Variants in KDM4C observed in about 807,000 individuals in gnomAD.
The protein encoded by KDM4C is lysine demethylase 4C, also known as lysine-specific demethylase 4C.
A neutral mutation model predicts 129.3 loss-of-function variants in KDM4C; 81 were observed. That is an observed-to-expected ratio of 0.63 (90% confidence interval 0.52 to 0.75). KDM4C has a LOEUF of 0.75. Among genes scored for constraint, KDM4C ranks in the 30% least tolerant of loss-of-function variants. The pLI is 0.00. For missense variants in KDM4C, 1,457 were observed against 1,304.0 expected (o/e 1.12, Z -1.81); for synonymous variants, 573 against 456.1 (o/e 1.26, Z -3.26).
chr9:7,078,761 A>G (rs1367925968), intron 17 of KDM4C, among the ~76,000 whole-genome samples: 1 of 152,224 alleles, frequency 6.6e-6, no homozygotes, highest in Non-Finnish European at 1.5e-5. Flanking sequence ...ATGTTCTTAA[A>G]TATCTTGAAA....
At chr9:6,961,363 G>A (rs899362152) in intron 8 of KDM4C, among the ~76,000 whole-genome samples, 1 of 152,076 alleles carries the variant, frequency 6.6e-6, no homozygotes, top group Non-Finnish European at 1.5e-5. Context: ...CAGATGGCTT[G>A]CATGCATATA....
chr9:6,833,446 G>T (rs1835282204), intron 4 of KDM4C, among the ~76,000 whole-genome samples: 1 of 152,122 alleles, frequency 6.6e-6, no homozygotes, highest in Non-Finnish European at 1.5e-5. Context: ...AGTCAGAGTT[G>T]ACTTACTGGT....
chr9:7,054,874 T>A (rs1401892795), intron 17 of KDM4C, among the ~76,000 whole-genome samples: 1 of 152,198 alleles, frequency 6.6e-6, no homozygotes, highest in East Asian at 1.9e-4. Flanking sequence ...GATAAAGTTT[T>A]CAAATAGGAC....
intron 19 of KDM4C, among the ~76,000 whole-genome samples, chr9:7,131,806 C>G (rs554497370): frequency 9.9e-5 from 15 of 152,130 alleles, no homozygotes; most frequent in Admixed American, 5.9e-4. Flanking sequence ...TCTTGAAGAT[C>G]GTGGCAGAAT....
At chr9:6,823,112 A>G (rs62568869) in intron 4 of KDM4C, among the ~76,000 whole-genome samples, 9,977 of 152,302 alleles carry the variant, frequency 0.066, 481 homozygotes, top group Non-Finnish European at 0.1. Context: ...TTCATAATCT[A>G]TAACCCTAGA....
intron 18 of KDM4C, among the ~76,000 whole-genome samples, chr9:7,121,216 C>T (rs1282090477): frequency 1.3e-5 from 2 of 152,160 alleles, no homozygotes; most frequent in African/African-American, 4.8e-5. Context: ...AGGGGTTCTT[C>T]TGGTCTAAGC....
intron 4 of KDM4C, among the ~76,000 whole-genome samples, chr9:6,825,905 G>T (rs1252797011): frequency 6.6e-6 from 1 of 152,122 alleles, no homozygotes; most frequent in Non-Finnish European, 1.5e-5. Context: ...CCACCTCCCA[G>T]GCTCAGGTGA....
rs201355799 is a variant in KDM4C at position 7,020,959 on chromosome 9, C to T, written c.2259+5030C>T. ...TTAACCATTCCCATTCCCCTCACCC[C>T]CACCACCCTTCCTAGCCTCTGGTTA... On this transcript the variant is annotated intron_variant, in intron 15 of 21. Transcript: ENST00000381309. Among the ~76,000 whole-genome samples, 49 of 151,620 alleles carry T rather than the reference C, an allele frequency of 3.2e-4. No individual in the cohort carries two copies. In the East Asian group the frequency reaches 9.1e-3, roughly 28 times the overall value.
chr9:6,801,109 A>C (rs1447953685), intron 2 of KDM4C, among the ~76,000 whole-genome samples: 27 of 152,056 alleles, frequency 1.8e-4, no homozygotes, highest in Non-Finnish European at 1.3e-4. Context: ...CCTGACCCCA[A>C]GTTTCTTTAT....
chr9:7,114,799 C>A (rs7869012), intron 18 of KDM4C, among the ~76,000 whole-genome samples: 67,617 of 151,864 alleles, frequency 0.45, 15,382 homozygotes, highest in East Asian at 0.74. Context: ...GGTGGGGGCA[C>A]CTGCATTCAG....
Position 6,744,386 on chromosome 9 carries a change from A to G in KDM4C, c.49+23389A>G, listed in dbSNP as rs113291848. On this transcript the variant is annotated intron_variant, in intron 1 of 17. Transcript: ENST00000536108. The stretch of plus-strand genomic sequence containing the variant: ...TAAAAACTACAAGAATTAGCTGGGC[A>G]TGGTGGCGTGCGCCTGTAATCCCAG... Among the ~76,000 whole-genome samples, 1,037 of 152,200 alleles carry G rather than the reference A, an allele frequency of 6.8e-3. 6 individuals are homozygous for G. The highest frequency in any genetic ancestry group is 9.7e-3 in the Non-Finnish European group (657 of 68,010).
chr9:6,797,100 C>G (rs1333288251), intron 2 of KDM4C, among the ~76,000 whole-genome samples: 1 of 151,702 alleles, frequency 6.6e-6, no homozygotes, highest in Non-Finnish European at 1.5e-5. Flanking sequence ...TCCCAAGTAG[C>G]TGGGACTCAG....
rs3763651 is a variant in KDM4C at position 7,103,816 on chromosome 9, C to T, written c.2556C>T (p.Asp852=). Residue 852 remains aspartate, a synonymous_variant, in exon 18 of 22, where the codon GAC becomes GAT. Coordinates refer to ENST00000381309, the MANE Select transcript of KDM4C (RefSeq NM_015061.6). ...HAAGVLMEPD[D]WPYVVNITCF... The stretch of plus-strand genomic sequence containing the variant: ...CTGGGGTACTGATGGAGCCTGATGA[C>T]TGGCCTTATGTGGTGAACATTACAT... 759,611 of 1,613,076 alleles carry T rather than the reference C, an allele frequency of 0.47. 184,733 individuals carry two copies. Among genetic ancestry groups the T allele is most frequent in the East Asian group, 0.78 (34,852 of 44,838 alleles).
chr9:7,013,707 A>C, intron 13 of KDM4C, 81 bp from the exon 14 acceptor site: 1 of 1,298,540 alleles, frequency 7.7e-7, no homozygotes, highest in Non-Finnish European at 1.1e-6. Context: ...TGTCTGGAAC[A>C]GGAGTTAGTG....
chr9:6,834,043 C>CGTTTTTTTTTTTTT (rs1835393780), intron 4 of KDM4C, among the ~76,000 whole-genome samples: 1 of 109,480 alleles, frequency 9.1e-6, no homozygotes, highest in Admixed American at 1.1e-4. Flanking sequence ...AAGAGATAGT[C>CGTTTTTTTTTTTTT]TTTTTTTTTT....
chr9:6,928,098 GC>G (rs1822967708), intron 8 of KDM4C, among the ~76,000 whole-genome samples: 1 of 152,158 alleles, frequency 6.6e-6, no homozygotes, highest in Admixed American at 6.5e-5. Context: ...CTATCAAACA[GC>G]TTTTATCAAG....
intron 4 of KDM4C, among the ~76,000 whole-genome samples, chr9:6,835,771 A>G (rs1357029673): frequency 1.3e-5 from 2 of 152,014 alleles, no homozygotes; most frequent in South Asian, 2.1e-4. Flanking sequence ...CATCCCCCAA[A>G]TTTCTGCAGT....
At chr9:7,034,271 C>T (rs77383525) in intron 15 of KDM4C, among the ~76,000 whole-genome samples, 6,597 of 152,186 alleles carry the variant, frequency 0.043, 187 homozygotes, top group East Asian at 0.1. Context: ...TATAGTCATC[C>T]TACACTGGTA....
chr9:6,994,548 T>G (rs1271727983), intron 12 of KDM4C, among the ~76,000 whole-genome samples: 1 of 152,212 alleles, frequency 6.6e-6, no homozygotes, highest in Non-Finnish European at 1.5e-5. Flanking sequence ...TCTCTTTTGC[T>G]TCCCCTATCA....
Sources: allele counts gnomAD v4.1 joint callset (sites outside exome capture counted in the v4.1 genomes callset), GRCh38; gene constraint gnomAD v4.1.1; transcripts MANE v1.5; gene names NCBI Gene and HGNC (gene_info 2026-07-23, HGNC 2026-07-21).